Variants in XRCC5 observed in about 807,000 individuals in gnomAD.
XRCC5 encodes the protein DNA repair protein Ku80.
In XRCC5, 12 loss-of-function variants were observed where a neutral mutation model predicts 95.7. The ratio of observed to expected loss-of-function variants is 0.13; its 90% CI spans 0.08 to 0.20. XRCC5 has a LOEUF of 0.20. Among genes scored for constraint, XRCC5 ranks in the 10% least tolerant of loss-of-function variants. The probability of loss-of-function intolerance (pLI) is 1.00; values close to 1 mark genes in which losing one functional copy is unlikely to be tolerated. For missense variants in XRCC5, 595 were observed against 873.9 expected, an observed-to-expected ratio of 0.68 and a Z score of 4.02; for synonymous variants, 281 against 290.3, an observed-to-expected ratio of 0.97 and a Z score of 0.33.
chr2:216,197,124 C>T (rs898338854), intron 19 of XRCC5, among the ~76,000 whole-genome samples: 1 of 152,148 alleles, frequency 6.6e-6, no homozygotes, highest in African/African-American at 2.4e-5. Context: ...AATCTGAAAA[C>T]AGATGATGCA....
intron 13 of XRCC5, among the ~76,000 whole-genome samples, chr2:216,145,215 T>C (rs972646231): frequency 6.6e-6 from 1 of 152,144 alleles, no homozygotes; most frequent in Non-Finnish European, 1.5e-5. Context: ...TAGGAGGTTG[T>C]GGGATCCAGG....
intron 2 of XRCC5, 47 bp downstream of exon 2, chr2:216,113,176 T>A (rs1696621879): frequency 6.7e-7 from 1 of 1,501,318 alleles, no homozygotes; most frequent in African/African-American, 1.4e-5. Flanking sequence ...TTTGAACTGC[T>A]TGTTGCCTCT....
chr2:216,134,628 G>C (rs371635828), intron 10 of XRCC5, among the ~76,000 whole-genome samples: 45 of 151,320 alleles, frequency 3.0e-4, no homozygotes, highest in African/African-American at 1.1e-3. Context: ...GGGGTTTCAC[G>C]ATGTTGGCTA....
At chr2:216,203,374 C>T (rs777863511) in intron 19 of XRCC5, among the ~76,000 whole-genome samples, 2 of 152,188 alleles carry the variant, frequency 1.3e-5, no homozygotes, top group Non-Finnish European at 2.9e-5. Context: ...CAGAAAATCA[C>T]CTTCTCGTGT....
chr2:216,128,562 G>A (rs193287429), intron 8 of XRCC5, among the ~76,000 whole-genome samples: 76 of 152,214 alleles, frequency 5.0e-4, no homozygotes, highest in East Asian at 3.9e-4. Flanking sequence ...ATGAATTTTG[G>A]AATCAAACCT....
At chr2:216,117,818 T>G (rs1429478618) in intron 4 of XRCC5, 24 bp downstream of exon 4, 1 of 1,613,574 alleles carries the variant, frequency 6.2e-7, no homozygotes, top group Non-Finnish European at 8.5e-7. Context: ...GGAAGAGAGC[T>G]GGAAGAGAAT....
At chr2:216,141,535 C>G (rs374751902) in intron 13 of XRCC5, among the ~76,000 whole-genome samples, 2 of 54,236 alleles carry the variant, frequency 3.7e-5, no homozygotes, top group African/African-American at 1.5e-4. Context: ...TGCTTTCTTT[C>G]TTTTCTTTTT....
chr2:216,180,307 C>G (rs1430683973), intron 16 of XRCC5, among the ~76,000 whole-genome samples: 1 of 152,136 alleles, frequency 6.6e-6, no homozygotes, highest in African/African-American at 2.4e-5. Context: ...GGTGCAGATG[C>G]AGGTAGGTGA....
At chr2:216,195,212 T>G (rs1172161070) in intron 19 of XRCC5, among the ~76,000 whole-genome samples, 1 of 152,118 alleles carries the variant, frequency 6.6e-6, no homozygotes, top group Non-Finnish European at 1.5e-5. Flanking sequence ...TAATCCCAGC[T>G]TCAGTACCCC....
At chr2:216,140,601 G>T (rs1249439675) in intron 12 of XRCC5, among the ~76,000 whole-genome samples, 2 of 152,140 alleles carry the variant, frequency 1.3e-5, no homozygotes, top group African/African-American at 4.8e-5. Flanking sequence ...AGTAGGGCAA[G>T]ACATGTACGC....
At chr2:216,127,468 A>G (rs1003346073) in intron 7 of XRCC5, 68 bp from the exon 8 acceptor site, 6 of 1,519,852 alleles carry the variant, frequency 3.9e-6, no homozygotes, top group Non-Finnish European at 5.3e-6. Flanking sequence ...AGAGTGTATT[A>G]GGTTTTCATC....
intron 14 of XRCC5, among the ~76,000 whole-genome samples, chr2:216,152,206 G>A (rs773525624): frequency 1.3e-5 from 2 of 152,146 alleles, no homozygotes; most frequent in South Asian, 2.1e-4. Context: ...GGAGGCCAAG[G>A]CAGGTGGATT....
intron 16 of XRCC5, among the ~76,000 whole-genome samples, chr2:216,176,381 A>G (rs111813082): frequency 0.03 from 4,622 of 152,286 alleles, 223 homozygotes; most frequent in African/African-American, 0.11. Context: ...GGCCTCCCAA[A>G]GTGCTGGGAT....
chr2:216,160,225 C>A, intron 15 of XRCC5, 64 bp downstream of exon 15: 1 of 1,142,286 alleles, frequency 8.8e-7, no homozygotes, highest in South Asian at 1.5e-5. Context: ...AGGGAGAGTG[C>A]ATCAATTTTT....
chr2:216,173,581 G>A (rs1689211891), intron 16 of XRCC5, among the ~76,000 whole-genome samples: 1 of 152,152 alleles, frequency 6.6e-6, no homozygotes, highest in African/African-American at 2.4e-5. Flanking sequence ...CTTTTTATAT[G>A]TACTGAATTC....
At chr2:216,126,690 G>T (rs1329996219) in intron 7 of XRCC5, among the ~76,000 whole-genome samples, 1 of 151,940 alleles carries the variant, frequency 6.6e-6, no homozygotes, top group Admixed American at 6.5e-5. Context: ...ACAAAAACAT[G>T]TTTTTATGTA....
intron 20 of XRCC5, 115 bp downstream of exon 20, chr2:216,204,511 A>G (rs1394735159): frequency 6.3e-6 from 7 of 1,102,892 alleles, no homozygotes; most frequent in African/African-American, 6.3e-5. Flanking sequence ...TTAATTTCCA[A>G]TACACCAGAA....
chr2:216,118,014 TA>T, intron 4 of XRCC5, among the ~76,000 whole-genome samples: 1 of 152,262 alleles, frequency 6.6e-6, no homozygotes, highest in African/African-American at 2.4e-5. Flanking sequence ...CTGGAAGAAA[TA>T]AAACATTTGG....
rs746493174 is a variant in XRCC5, at chr2:216,172,469, C to CTTTTTTTTTTTTTTTTTTTT, written c.1834+10438_1834+10439insTTTTTTTTTTTTTTTTTTTT. On this transcript the variant is annotated intron_variant, in intron 16 of 20. Coordinates refer to ENST00000392132, the MANE Select transcript of XRCC5 (RefSeq NM_021141.4). The stretch of plus-strand genomic sequence containing the variant: ...AAACTTTAGCATCAGCTTTTCTTTT[C>CTTTTTTTTTTTTTTTTTTTT]TTTTTTTTTTTTTTTTTGAGACAAA... 1.2e-3 allele frequency among the ~76,000 whole-genome samples: 131 copies of CTTTTTTTTTTTTTTTTTTTT among 107,740 alleles called. 12 individuals are homozygous for CTTTTTTTTTTTTTTTTTTTT. The highest frequency in any genetic ancestry group is 1.9e-3 in the African/African-American group (49 of 25,478). 70.7% of individuals were successfully genotyped at this position (107,740 alleles called of 152,430 possible).
Sources: gnomAD v4.1 joint callset for allele counts (sites outside exome capture counted in the v4.1 genomes callset) on GRCh38, gnomAD v4.1.1 for gene constraint, MANE v1.5 for transcripts, NCBI Gene and HGNC (gene_info 2026-07-23, HGNC 2026-07-21) for gene names.